The following UBXN7 variants were observed in gnomAD, a reference collection of about 807,000 sequenced individuals.
UBXN7 encodes UBX domain protein 7, also known as UBX domain-containing protein 7.
UBXN7 carries 9 observed loss-of-function variants against 58.0 expected under a neutral mutation model. The observed-to-expected ratio is 0.16, with a 90% CI of 0.09 to 0.27. The LOEUF is 0.27. Ranked by LOEUF, UBXN7 falls within the 10% of genes least tolerant of loss-of-function variation. The pLI is 1.00. For synonymous variants in UBXN7, 208 were observed against 205.0 expected (o/e 1.01, Z -0.12); for missense variants, 328 against 599.6 (o/e 0.55, Z 4.73).
rs1359121665 is a variant in UBXN7 at position 196,350,908 on chromosome 3, T to G, written c.*5777A>C. 1 of 152,210 alleles carries G rather than the reference T, an allele frequency of 6.6e-6. No homozygotes were observed. The highest frequency in any genetic ancestry group is 1.5e-5 in the Non-Finnish European group (1 of 68,048). 9.4% of individuals were successfully genotyped at this position (152,210 alleles called of 1,614,324 possible). On this transcript the variant is annotated 3_prime_UTR_variant, in exon 11 of 11. Transcript: ENST00000296328. ...CCAGGCAATCCAGTGAAGTTGAATG[T>G]CCATAGTACACAGCTGTCTTTAGCC...
rs749510084 is a variant in UBXN7, at chr3:196,391,802, C to T, written c.468+11G>A. 7 of 1,589,592 alleles carry T rather than the reference C, an allele frequency of 4.4e-6. No individual in the cohort carries two copies. The South Asian group carries it at 6.9e-5, about 16-fold the overall frequency. ...ATTCATAGTTAAGGCACTGACTCTC[C>T]AACAACTTACTGTTTCAAAGCTGCC... On this transcript the variant is annotated intron_variant, in intron 5 of 10. Transcript: ENST00000296328.
At chr3:196,390,144 A>G (rs1296319978) in intron 5 of UBXN7, among the ~76,000 whole-genome samples, 2 of 152,074 alleles carry the variant, frequency 1.3e-5, no homozygotes, top group African/African-American at 4.8e-5. Context: ...AATTGAGACC[A>G]TAAGTTGGAG....
At position 196,347,959 on chromosome 3, in the gene UBXN7, A is replaced by T. The variant is rs1005608213; in HGVS notation, c.*8726T>A. ...TACAGACCAAACCAGAGGATCCCCA[A>T]CTGACAGCAAGATCCTCCTTCTGGA... On this transcript the variant is annotated 3_prime_UTR_variant, in exon 11 of 11. Coordinates refer to ENST00000296328, the MANE Select transcript of UBXN7 (RefSeq NM_015562.2). 28 of 151,960 alleles carry T rather than the reference A, an allele frequency of 1.8e-4. No homozygotes were observed. The highest frequency in any genetic ancestry group is 6.5e-4 in the African/African-American group (27 of 41,352). The allele number at this position is 151,960 out of a possible 1,614,324, so 9.4% of individuals were successfully genotyped here. A position where few individuals can be genotyped will look rare whatever the true frequency, so the allele number is the denominator to read the frequency against.
intron 10 of UBXN7, among the ~76,000 whole-genome samples, chr3:196,360,137 A>C (rs942185457): frequency 6.6e-6 from 1 of 152,238 alleles, no homozygotes; most frequent in Non-Finnish European, 1.5e-5. Context: ...GGTTGAAGGA[A>C]AGAAGCCATC....
intron 5 of UBXN7, among the ~76,000 whole-genome samples, chr3:196,377,566 A>G (rs1008445600): frequency 2.6e-5 from 4 of 152,222 alleles, no homozygotes; most frequent in Non-Finnish European, 5.9e-5. Context: ...TGCAAAGGAC[A>G]CTAGAAATTT....
intron 2 of UBXN7, among the ~76,000 whole-genome samples, chr3:196,405,006 T>C (rs1288006137): frequency 1.3e-5 from 2 of 152,018 alleles, no homozygotes; most frequent in Middle Eastern, 3.4e-3. Flanking sequence ...ATACAAAAAT[T>C]AGTCAAGTGT....
intron 8 of UBXN7, among the ~76,000 whole-genome samples, chr3:196,364,413 G>GT (rs1350971748): frequency 7.2e-5 from 11 of 152,072 alleles, no homozygotes; most frequent in African/African-American, 2.4e-4. Context: ...ATATGCCAGA[G>GT]TATTAATTAA....
intron 1 of UBXN7, among the ~76,000 whole-genome samples, chr3:196,427,509 G>C (rs994449420): frequency 1.3e-5 from 2 of 152,142 alleles, no homozygotes; most frequent in South Asian, 4.1e-4. Flanking sequence ...GGAGAGACAG[G>C]GTTTCACCAG....
At chr3:196,362,016 T>C in intron 9 of UBXN7, 93 bp from the exon 10 acceptor site, 1 of 1,249,524 alleles carries the variant, frequency 8.0e-7, no homozygotes. Context: ...AATACAGCCA[T>C]TCAGCAATTA....
intron 3 of UBXN7, chr3:196,400,746 G>GA (rs746942913): frequency 0.019 from 6,070 of 317,648 alleles, no homozygotes; most frequent in South Asian, 0.03. Context: ...CAAAACAAAA[G>GA]AAAAAAAAAA....
chr3:196,421,164 C>A (rs892608221), intron 1 of UBXN7, among the ~76,000 whole-genome samples: 1 of 152,046 alleles, frequency 6.6e-6, no homozygotes, highest in Non-Finnish European at 1.5e-5. Flanking sequence ...ACAGAGAAAT[C>A]GAATTACTAA....
Position 196,371,918 on chromosome 3 carries a change from C to T in UBXN7, c.593G>A (p.Arg198Gln). The change falls in exon 6 of 11, where the codon CGG (arginine) becomes CAG (glutamine). Residue 198 changes from arginine (R) to glutamine (Q), a missense_variant. Physicochemically the swap from Arg to Gln is conservative, Grantham distance 43. This residue lies in a region of UBXN7 where 126 missense variants were observed against 302.6 expected (regional missense o/e 0.42). Transcript: ENST00000296328. ...CACCTGCCAGAAAATGAAATGTTCCCGGATAATATTCTTCACAGCTTCGTT... is the reference window on the plus strand; with the variant it reads ...CACCTGCCAGAAAATGAAATGTTCCTGGATAATATTCTTCACAGCTTCGTT... ...WSNEAVKNII[R>Q]EHFIFWQVYH... 1 of 1,611,982 alleles carries T rather than the reference C, an allele frequency of 6.2e-7. No individual in the cohort carries two copies. The highest frequency in any genetic ancestry group is 8.5e-7 in the Non-Finnish European group (1 of 1,179,386).
chr3:196,421,635 G>A (rs1350979201), intron 1 of UBXN7, among the ~76,000 whole-genome samples: 2 of 151,954 alleles, frequency 1.3e-5, no homozygotes, highest in African/African-American at 4.8e-5. Flanking sequence ...AAATTAGCTG[G>A]GTGTGGTGGC....
intron 1 of UBXN7, among the ~76,000 whole-genome samples, 198 bp from the exon 2 acceptor site, chr3:196,407,591 T>A (rs1730200297): frequency 6.6e-6 from 1 of 152,156 alleles, no homozygotes; most frequent in Non-Finnish European, 1.5e-5. Context: ...GAAAAGAATT[T>A]AGCAGCATTA....
intron 1 of UBXN7, chr3:196,414,744 C>A (rs1730428879): frequency 6.6e-6 from 1 of 152,158 alleles, no homozygotes; most frequent in African/African-American, 2.4e-5. Context: ...CTTGTCTCTG[C>A]TAGCTGCTCT....
chr3:196,375,403 G>A (rs1728988888), intron 5 of UBXN7, among the ~76,000 whole-genome samples: 2 of 151,984 alleles, frequency 1.3e-5, no homozygotes, highest in Non-Finnish European at 2.9e-5. Flanking sequence ...GATTGCTTAA[G>A]GCAAGGAGTT....
chr3:196,425,510 G>A (rs977349536), intron 1 of UBXN7, among the ~76,000 whole-genome samples: 1 of 152,050 alleles, frequency 6.6e-6, no homozygotes, highest in African/African-American at 2.4e-5. Context: ...TCCCACCTCA[G>A]CCTCCCAAAG....
At chr3:196,356,959 G>A (rs1728367720) in intron 10 of UBXN7, 113 bp from the exon 11 acceptor site, 5 of 1,338,608 alleles carry the variant, frequency 3.7e-6, no homozygotes, top group African/African-American at 1.5e-5. Flanking sequence ...GCTATTAAAT[G>A]TAAGTTCTTC....
At chr3:196,403,613 T>C (rs1560236679) in intron 2 of UBXN7, among the ~76,000 whole-genome samples, 1 of 151,852 alleles carries the variant, frequency 6.6e-6, no homozygotes, top group Non-Finnish European at 1.5e-5. Flanking sequence ...AAAAAAATTT[T>C]CCCCCAAAAA....
Sources: gnomAD v4.1 joint callset for allele counts (sites outside exome capture counted in the v4.1 genomes callset) on GRCh38, gnomAD v4.1.1 for gene constraint, gnomAD v4.1.1 regional missense constraint, MANE v1.5 for transcripts, NCBI Gene and HGNC (gene_info 2026-07-23, HGNC 2026-07-21) for gene names.